The following SLC35F4 variants were observed in gnomAD, a reference collection of about 807,000 sequenced individuals.
The protein encoded by SLC35F4 is solute carrier family 35 member F4, also known as chromosome 14 open reading frame 36.
In SLC35F4, 24 loss-of-function variants were observed where a neutral mutation model predicts 44.2. The ratio of observed to expected loss-of-function variants is 0.54; its 90% CI spans 0.39 to 0.76. The LOEUF is 0.76. Among genes scored for constraint, SLC35F4 ranks in the 30% least tolerant of loss-of-function variants. The probability of loss-of-function intolerance (pLI) is 0.00; values close to 1 mark genes in which losing one functional copy is unlikely to be tolerated. For synonymous variants in SLC35F4, 238 were observed against 223.6 expected, an observed-to-expected ratio of 1.06 and a Z score of -0.57; for missense variants, 562 against 586.1, an observed-to-expected ratio of 0.96 and a Z score of 0.42.
rs531607855 is a variant in SLC35F4, at chr14:57,791,484, A to T, written c.103+74239T>A. 1.1e-4 allele frequency among the ~76,000 whole-genome samples: 17 copies of T among 152,270 alleles called. 1 individual carries two copies. The South Asian group carries it at 3.3e-3, about 30-fold the overall frequency. On this transcript the variant is annotated intron_variant, in intron 1 of 7. Coordinates refer to ENST00000556826, the MANE Select transcript of SLC35F4 (RefSeq NM_001306087.2). The stretch of plus-strand genomic sequence containing the variant: ...TCATTAAAAAGTCAGGAAACAACAG[A>T]TGCTGGAGAGGATGTGGAGAAAGAG...
intron 1 of SLC35F4, among the ~76,000 whole-genome samples, chr14:57,885,717 C>T (rs947235745): frequency 5.9e-5 from 9 of 152,134 alleles, no homozygotes; most frequent in African/African-American, 2.2e-4. Flanking sequence ...CAACATAGAG[C>T]TTTTTTATCA....
At chr14:57,870,833 T>C (rs923079824), upstream of SLC35F4, among the ~76,000 whole-genome samples, 13 of 152,274 alleles carry the variant, frequency 8.5e-5, no homozygotes, top group African/African-American at 3.1e-4. Flanking sequence ...CAATTGCTTT[T>C]ACAGGTCTCC....
chr14:57,760,905 C>G (rs572394634), intron 1 of SLC35F4, among the ~76,000 whole-genome samples: 19 of 152,288 alleles, frequency 1.2e-4, no homozygotes, highest in African/African-American at 4.1e-4. Flanking sequence ...ATACTCAAGA[C>G]AGGTGCTCAG....
intron 1 of SLC35F4, among the ~76,000 whole-genome samples, chr14:57,906,615 T>C (rs1889107740): frequency 6.6e-6 from 1 of 152,228 alleles, no homozygotes; most frequent in Non-Finnish European, 1.5e-5. Context: ...GATTAAAAAG[T>C]ATGCATATTC....
At chr14:57,952,066 G>A (rs757817380) in intron 1 of SLC35F4, among the ~76,000 whole-genome samples, 2 of 152,194 alleles carry the variant, frequency 1.3e-5, no homozygotes, top group Non-Finnish European at 2.9e-5. Flanking sequence ...GTGCCCCTCT[G>A]GGATGAAGCT....
At chr14:57,842,534 G>A (rs965852671) in intron 1 of SLC35F4, among the ~76,000 whole-genome samples, 1 of 152,016 alleles carries the variant, frequency 6.6e-6, no homozygotes, top group Non-Finnish European at 1.5e-5. Context: ...ATGCTGTGGT[G>A]ATATCTACAC....
intron 1 of SLC35F4, among the ~76,000 whole-genome samples, chr14:57,799,808 T>C (rs183941246): frequency 1.8e-3 from 275 of 152,174 alleles, no homozygotes; most frequent in Non-Finnish European, 2.6e-3. Context: ...GACCTTCCCA[T>C]AGGGGCTTCA....
At position 57,572,036 on chromosome 14, in the gene SLC35F4, A is replaced by G. The variant is rs768654463; in HGVS notation, c.808-17T>C. ...AGCAACTATCTGTCAAATAGGATGC[A>G]AAGAAACAGAAAAGCAATGATCCCT... is the stretch of plus-strand genomic sequence containing the variant. On this transcript the variant is annotated splice_polypyrimidine_tract_variant and intron_variant, in intron 4 of 7. Coordinates refer to ENST00000556826, the MANE Select transcript of SLC35F4 (RefSeq NM_001306087.2). 6 of 1,601,988 alleles carry G rather than the reference A, an allele frequency of 3.7e-6. No individual in the cohort carries two copies. Among genetic ancestry groups the G allele is most frequent in the Non-Finnish European group, 5.1e-6 (6 of 1,173,450 alleles).
At chr14:57,970,067 C>T (rs1881008465) in intron 1 of SLC35F4, among the ~76,000 whole-genome samples, 1 of 152,210 alleles carries the variant, frequency 6.6e-6, no homozygotes, top group Non-Finnish European at 1.5e-5. Flanking sequence ...CCTAGATTCA[C>T]ACTTCCAATT....
intron 1 of SLC35F4, among the ~76,000 whole-genome samples, chr14:57,808,578 T>C (rs1881611410): frequency 6.6e-6 from 1 of 151,888 alleles, no homozygotes; most frequent in African/African-American, 2.4e-5. Flanking sequence ...TTTATAAAAA[T>C]ATACTCCTGA....
At chr14:57,781,554 A>T (rs1323840109) in intron 1 of SLC35F4, among the ~76,000 whole-genome samples, 2 of 152,168 alleles carry the variant, frequency 1.3e-5, no homozygotes, top group Non-Finnish European at 2.9e-5. Context: ...CCAGCAACTC[A>T]TGACTGGGTT....
At chr14:57,624,114 G>T (rs369781190) in intron 1 of SLC35F4, among the ~76,000 whole-genome samples, 2 of 151,948 alleles carry the variant, frequency 1.3e-5, no homozygotes, top group African/African-American at 2.4e-5. Flanking sequence ...ATGATAAAGG[G>T]GATATCACCA....
At chr14:57,824,429 A>G (rs1450106571) in intron 1 of SLC35F4, among the ~76,000 whole-genome samples, 2 of 152,234 alleles carry the variant, frequency 1.3e-5, no homozygotes, top group Non-Finnish European at 2.9e-5. Flanking sequence ...AGATACATAC[A>G]TACATATGTA....
intron 1 of SLC35F4, among the ~76,000 whole-genome samples, chr14:57,645,927 A>C (rs2073485018): frequency 6.6e-6 from 1 of 152,112 alleles, no homozygotes; most frequent in South Asian, 2.1e-4. Context: ...GATTACATTT[A>C]TTGATTTGTG....
intron 1 of SLC35F4, among the ~76,000 whole-genome samples, chr14:57,853,188 G>A (rs1886743064): frequency 6.6e-6 from 1 of 152,130 alleles, no homozygotes; most frequent in African/African-American, 2.4e-5. Context: ...AGTGCTAGAT[G>A]GGCACTCTTA....
intron 1 of SLC35F4, among the ~76,000 whole-genome samples, chr14:57,743,771 A>T (rs1243019521): frequency 6.6e-6 from 1 of 152,196 alleles, no homozygotes; most frequent in Admixed American, 6.5e-5. Context: ...AGACACAACA[A>T]AAAAACACAA....
chr14:57,626,928 A>G (rs1594630653), intron 1 of SLC35F4, among the ~76,000 whole-genome samples: 1 of 152,248 alleles, frequency 6.6e-6, no homozygotes, highest in South Asian at 2.1e-4. Context: ...GTTTTTTTAC[A>G]GAAAATCTGA....
chr14:57,897,528 G>A (rs549270437), intron 1 of SLC35F4, among the ~76,000 whole-genome samples: 8 of 151,824 alleles, frequency 5.3e-5, no homozygotes, highest in Admixed American at 3.3e-4. Context: ...CAGTGATACC[G>A]TCAGTCATCC....
intron 1 of SLC35F4, among the ~76,000 whole-genome samples, chr14:57,690,480 A>G (rs10143610): frequency 0.45 from 68,054 of 151,848 alleles, 15,512 homozygotes; most frequent in African/African-American, 0.54. Flanking sequence ...GCAGTCCCCA[A>G]TCTTTTTGGC....
Sources: allele counts gnomAD v4.1 joint callset (sites outside exome capture counted in the v4.1 genomes callset), GRCh38; gene constraint gnomAD v4.1.1; transcripts MANE v1.5; gene names NCBI Gene and HGNC (gene_info 2026-07-23, HGNC 2026-07-21).